Variants in AVIL observed in about 807,000 individuals in gnomAD.
AVIL encodes the protein advillin.
In AVIL, 78 loss-of-function variants were observed where a neutral mutation model predicts 109.9. That is an observed-to-expected ratio of 0.71 (90% confidence interval 0.59 to 0.86). The LOEUF (loss-of-function observed/expected upper bound fraction) is 0.86. Among genes scored for constraint, AVIL ranks in the 40% least tolerant of loss-of-function variants. The pLI is 0.00. For missense variants in AVIL, 892 were observed against 1,016.5 expected (o/e 0.88, Z 1.67); for synonymous variants, 367 against 379.1 (o/e 0.97, Z 0.37).
rs758692688 is a variant in AVIL, at chr12:57,814,174, C to T, written c.119G>A (p.Gly40Glu). The T allele has an allele frequency of 2.5e-6, 4 of 1,613,374 alleles. No homozygotes were observed. Among genetic ancestry groups the T allele is most frequent in the Non-Finnish European group, 3.4e-6 (4 of 1,179,824 alleles). Residue 40 changes from glycine (G) to glutamate (E), a missense_variant, in exon 3 of 20, where the codon GGG becomes GAG. Gly to Glu is a moderately conservative substitution (Grantham distance 98). Coordinates refer to ENST00000549994, the MANE Select transcript of AVIL (RefSeq NM_006576.4). ...PVSAHGNFYE[G>E]DCYVILSTRR... ...CACCGAGAGGATGACGTAGCAGTCCCCCTCATAGAAGTTGCCGTGGGCGCT... is the reference window on the plus strand; with the variant it reads ...CACCGAGAGGATGACGTAGCAGTCCTCCTCATAGAAGTTGCCGTGGGCGCT...
Position 57,802,246 on chromosome 12 carries a change from C to T in AVIL, c.2065G>A (p.Asp689Asn), listed in dbSNP as rs748418298. ...TGCTTAATGATCAGGATTGGTGTGT[C>T]GGGATCTCGGCCGCTGGGGTGAGTG... ...LHTHPSGRDP[D>N]TPILIIKQGF... Residue 689 changes from aspartate to asparagine, a missense_variant, in exon 17 of 20, where the codon GAC becomes AAC. Transcript: ENST00000549994. 2.1e-5 allele frequency: 34 copies of T among 1,613,920 alleles called. No homozygotes were observed. The highest frequency in any genetic ancestry group is 3.3e-5 in the Admixed American group (2 of 60,000).
In AVIL at chr12:57,801,154, C is replaced by G. The variant is rs61740317; in HGVS notation, c.2210G>C (p.Arg737Pro). 1.2e-6 allele frequency: 2 copies of G among 1,613,426 alleles called. No individual in the cohort carries two copies. Among genetic ancestry groups the G allele is most frequent in the African/African-American group, 2.7e-5 (2 of 74,896 alleles). Residue 737 changes from arginine to proline, a missense_variant, in exon 18 of 20, where the codon CGA becomes CCA. By Grantham distance (103) the Arg-to-Pro change is moderately radical. Coordinates refer to ENST00000549994, the MANE Select transcript of AVIL (RefSeq NM_006576.4). ...GCGAACCCGACTCACAGCAGTGATT[C>G]GCATGATAGCAGCAGCATCTCCCAG... ...EELGDAAAIM[R>P]ITADMKNATL... is the part of the protein sequence containing the mutation.
At chr12:57,816,851 T>C (rs1956106541) in intron 1 of AVIL, among the ~76,000 whole-genome samples, 2 of 152,076 alleles carry the variant, frequency 1.3e-5, no homozygotes. Flanking sequence ...TTCTGGGTGC[T>C]AGCAGGGTGT....
intron 14 of AVIL, among the ~76,000 whole-genome samples, chr12:57,804,792 G>C (rs563004759): frequency 4.7e-5 from 7 of 149,998 alleles, no homozygotes; most frequent in Admixed American, 4.7e-4. Flanking sequence ...CTGGGCGACA[G>C]AATGAGACTC....
In AVIL at chr12:57,808,451, C is replaced by T; in HGVS notation, c.1037G>A (p.Trp346Ter). 1 of 1,614,082 alleles carries T rather than the reference C, an allele frequency of 6.2e-7. No homozygotes were observed. The highest frequency in any genetic ancestry group is 8.5e-7 in the Non-Finnish European group (1 of 1,180,014). Residue 346 changes from tryptophan (W) to a stop codon, truncating the protein, a stop_gained, in exon 10 of 20, where the codon TGG becomes TAG. Transcript: ENST00000549994. LOFTEE classifies it high-confidence loss of function. ...GCCCATGGTCTGGTCCTTTACTGAC[C>T]ACTTCTGGAACAGCTGCTTGAACAT... Reference protein sequence around the residue: ...SAMFKQLFQKWSVKDQTMGLG... With the variant: ...SAMFKQLFQK
rs1955841456 is a variant in AVIL at position 57,801,218 on chromosome 12, A to G, written c.2152-6T>C. The stretch of plus-strand genomic sequence containing the variant: ...TGTTCATATGTTTTTCCTGCCTGAG[A>G]AGAAGAGAGAGAAAACACAGGATGA... On this transcript the variant is annotated splice_polypyrimidine_tract_variant and splice_region_variant and intron_variant, in intron 17 of 19. Coordinates refer to ENST00000549994, the MANE Select transcript of AVIL (RefSeq NM_006576.4). 3.1e-6 allele frequency: 5 copies of G among 1,612,422 alleles called. No individual in the cohort carries two copies. Among genetic ancestry groups the G allele is most frequent in the African/African-American group, 1.3e-5 (1 of 74,996 alleles).
At chr12:57,799,557 A>G (rs1205647946) in intron 19 of AVIL, among the ~76,000 whole-genome samples, 1 of 152,264 alleles carries the variant, frequency 6.6e-6, no homozygotes, top group Non-Finnish European at 1.5e-5. Flanking sequence ...TAGCTGGACT[A>G]GACTAGTAGC....
At chr12:57,808,166 G>T in intron 11 of AVIL, 28 bp downstream of exon 11, 1 of 1,608,772 alleles carries the variant, frequency 6.2e-7, no homozygotes, top group Non-Finnish European at 8.5e-7. Context: ...AGTGCTGTCT[G>T]CCCTGACATT....
chr12:57,814,366 G>GT, intron 2 of AVIL, 140 bp from the exon 3 acceptor site: 1 of 821,198 alleles, frequency 1.2e-6, no homozygotes, highest in Non-Finnish European at 1.9e-6. Flanking sequence ...AGGATGTGAG[G>GT]CTGCCAGCCA....
At chr12:57,818,185 T>A (rs1017537727) in intron 1 of AVIL, among the ~76,000 whole-genome samples, 2 of 53,766 alleles carry the variant, frequency 3.7e-5, no homozygotes, top group Non-Finnish European at 7.1e-5. Context: ...TGCTTGGCTT[T>A]TTTTTTTTTT....
At chr12:57,811,436 T>C (rs1321147691) in intron 4 of AVIL, among the ~76,000 whole-genome samples, 1 of 152,226 alleles carries the variant, frequency 6.6e-6, no homozygotes, top group Admixed American at 6.5e-5. Flanking sequence ...CAAAGACCCC[T>C]GCACCACAGA....
At chr12:57,802,751 G>C (rs888585039) in intron 16 of AVIL, 16 of 588,622 alleles carry the variant, frequency 2.7e-5, no homozygotes, top group Admixed American at 2.2e-4. Flanking sequence ...AGAAGCCTGA[G>C]AGTTTCCTAG....
chr12:57,798,106 A>G, intron 19 of AVIL, 111 bp from the exon 20 acceptor site: 2 of 589,860 alleles, frequency 3.4e-6, no homozygotes, highest in African/African-American at 1.9e-5. Flanking sequence ...TGAAGAGGGA[A>G]GTAGAATGAA....
Position 57,803,687 on chromosome 12 carries a change from A to C in AVIL, c.1672-18T>G, listed in dbSNP as rs1194718571. On this transcript the variant is annotated intron_variant, in intron 14 of 19. Coordinates refer to ENST00000549994, the MANE Select transcript of AVIL (RefSeq NM_006576.4). ...CTAGACCCCTGAGAGTGGGGCGAGG[A>C]GAGCACAGATGTTAGTTGCACAGGG... 3.1e-6 allele frequency: 5 copies of C among 1,612,448 alleles called. No homozygotes were observed. The highest frequency in any genetic ancestry group is 4.2e-6 in the Non-Finnish European group (5 of 1,179,230).
chr12:57,807,819 T>C, intron 11 of AVIL, 92 bp from the exon 12 acceptor site: 1 of 1,532,372 alleles, frequency 6.5e-7, no homozygotes, highest in Non-Finnish European at 9.0e-7. Context: ...GGAAAGGTGC[T>C]GACGTTTACT....
chr12:57,804,049 G>C (rs1279770424), intron 14 of AVIL: 1 of 165,716 alleles, frequency 6.0e-6, no homozygotes, highest in African/African-American at 2.4e-5. Flanking sequence ...GCAGAATCAT[G>C]TTACTACCAC....
rs752302777 is a variant in AVIL at position 57,803,481 on chromosome 12, A to C, written c.1817+43T>G. On this transcript the variant is annotated intron_variant, in intron 15 of 19. Transcript: ENST00000549994. ...CCTTTGTGCAATTCACAAGCCTGGCAGGCAGGGGGAGCCCAGAAGAGGGGG... is the reference window on the plus strand; with the variant it reads ...CCTTTGTGCAATTCACAAGCCTGGCCGGCAGGGGGAGCCCAGAAGAGGGGG... 2.5e-6 allele frequency: 4 copies of C among 1,613,658 alleles called. No homozygotes were observed. In the African/African-American group the frequency reaches 4.0e-5, roughly 16 times the overall value.
chr12:57,803,254 C>T lies in AVIL; in HGVS notation c.1955G>A (p.Trp652Ter), dbSNP rs1955886202. ...TCTGCAGCTGTGTCTTACCTGGTCC[C>T]AGGTATCTAGGAGCATCACGTCAGT... ...NPTDVMLLDT[W>*]DQVFLWIGAE... Residue 652 changes from tryptophan to a stop codon, truncating the protein, a stop_gained, in exon 16 of 20, where the codon TGG becomes TAG. Coordinates refer to ENST00000549994, the MANE Select transcript of AVIL (RefSeq NM_006576.4). LOFTEE classifies it high-confidence loss of function. 1 of 1,614,040 alleles carries T rather than the reference C, an allele frequency of 6.2e-7. No homozygotes were observed. Among genetic ancestry groups the T allele is most frequent in the Non-Finnish European group, 8.5e-7 (1 of 1,179,966 alleles).
intron 14 of AVIL, among the ~76,000 whole-genome samples, chr12:57,804,590 T>C (rs1357411016): frequency 6.6e-6 from 1 of 152,126 alleles, no homozygotes; most frequent in Non-Finnish European, 1.5e-5. Context: ...GGCAGGTGGA[T>C]CACCTGAGGT....
Sources: allele counts gnomAD v4.1 joint callset (sites outside exome capture counted in the v4.1 genomes callset), GRCh38; gene constraint gnomAD v4.1.1; transcripts MANE v1.5; gene names NCBI Gene and HGNC (gene_info 2026-07-23, HGNC 2026-07-21).